The following NXPH1 variants were observed in gnomAD, a reference collection of about 807,000 sequenced individuals.
NXPH1 encodes the protein neurexophilin 1.
A neutral mutation model predicts 23.7 loss-of-function variants in NXPH1; 5 were observed. That is an observed-to-expected ratio of 0.21 (90% CI 0.11 to 0.44). NXPH1 has a LOEUF of 0.44. Ranked by LOEUF, NXPH1 falls within the 20% of genes least tolerant of loss-of-function variation. NXPH1 has a pLI of 0.99. For synonymous variants in NXPH1, 144 were observed against 122.2 expected (o/e 1.18, Z -1.18); for missense variants, 324 against 321.6 (o/e 1.01, Z -0.06).
At chr7:8,602,034 T>C (rs963472934) in intron 2 of NXPH1, among the ~76,000 whole-genome samples, 3 of 152,214 alleles carry the variant, frequency 2.0e-5, no homozygotes, top group Non-Finnish European at 4.4e-5. Flanking sequence ...ATAATTAGTA[T>C]GTTCAGTATT....
At position 8,680,053 on chromosome 7, in the gene NXPH1, T is replaced by A. The variant is rs182324662; in HGVS notation, c.55-70955T>A. Among the ~76,000 whole-genome samples, 3 of 152,368 alleles carry A rather than the reference T, an allele frequency of 2.0e-5. No individual in the cohort carries two copies. In the East Asian group the frequency reaches 5.8e-4, roughly 29 times the overall value. On this transcript the variant is annotated intron_variant, in intron 2 of 2. Coordinates refer to ENST00000405863, the MANE Select transcript of NXPH1 (RefSeq NM_152745.3). ...AAATCATCTGTTTGAAACCCTAGTA[T>A]GTTTTCAGACACGGAGTGGTATTTG...
At chr7:8,440,100 CG>C (rs1257225564) in intron 2 of NXPH1, among the ~76,000 whole-genome samples, 4 of 152,184 alleles carry the variant, frequency 2.6e-5, no homozygotes, top group African/African-American at 9.7e-5. Context: ...TAGATACATA[CG>C]GGATTCAGAC....
intron 2 of NXPH1, among the ~76,000 whole-genome samples, chr7:8,484,011 A>ATTTTTTTTTTTTT: frequency 6.7e-6 from 1 of 148,474 alleles, no homozygotes; most frequent in African/African-American, 2.6e-5. Flanking sequence ...GATGTCAGAA[A>ATTTTTTTTTTTTT]TGTTTTTTAT....
At position 8,632,381 on chromosome 7, in the gene NXPH1, T is replaced by C. The variant is rs74461646; in HGVS notation, c.55-118627T>C. Among the ~76,000 whole-genome samples the C allele has an allele frequency of 1.2e-3, 179 of 152,318 alleles. 5 individuals are homozygous for C. In the East Asian group the frequency reaches 0.03, roughly 26 times the overall value. On this transcript the variant is annotated intron_variant, in intron 2 of 2. Coordinates refer to ENST00000405863, the MANE Select transcript of NXPH1 (RefSeq NM_152745.3). ...ATATTGGCATTCTTGATTCCATTGC[T>C]TACCTGTTTACATTCAAGTAGATGT...
At chr7:8,617,673 G>T (rs149622523) in intron 2 of NXPH1, among the ~76,000 whole-genome samples, 484 of 152,196 alleles carry the variant, frequency 3.2e-3, no homozygotes, top group African/African-American at 0.011. Context: ...TGGGGAGATT[G>T]GGGGAACATA....
intron 2 of NXPH1, among the ~76,000 whole-genome samples, chr7:8,635,043 A>G (rs1820197193): frequency 1.3e-5 from 2 of 152,314 alleles, no homozygotes; most frequent in East Asian, 3.9e-4. Context: ...TTTGAACAAT[A>G]GCTATCTCTA....
chr7:8,544,249 T>G (rs1284590760), intron 2 of NXPH1, among the ~76,000 whole-genome samples: 1 of 151,620 alleles, frequency 6.6e-6, no homozygotes, highest in Non-Finnish European at 1.5e-5. Context: ...TAACTTAGAT[T>G]CAATACTTCT....
chr7:8,654,902 T>A (rs1043144383), intron 2 of NXPH1, among the ~76,000 whole-genome samples: 3 of 152,120 alleles, frequency 2.0e-5, no homozygotes, highest in African/African-American at 7.2e-5. Flanking sequence ...TAAAGAGAGA[T>A]AGGTGTGTCT....
At chr7:8,655,872 T>C (rs558608095) in intron 2 of NXPH1, among the ~76,000 whole-genome samples, 1 of 152,324 alleles carries the variant, frequency 6.6e-6, no homozygotes, top group South Asian at 2.1e-4. Context: ...AATCTTTCCT[T>C]GATCTCTAGC....
At chr7:8,535,543 A>T (rs996391815) in intron 2 of NXPH1, among the ~76,000 whole-genome samples, 1 of 151,942 alleles carries the variant, frequency 6.6e-6, no homozygotes, top group Admixed American at 6.6e-5. Context: ...CTGGAAAAAA[A>T]AATCCAGACA....
intron 2 of NXPH1, among the ~76,000 whole-genome samples, chr7:8,643,720 T>C (rs1217499589): frequency 1.3e-5 from 2 of 152,196 alleles, no homozygotes; most frequent in Non-Finnish European, 2.9e-5. Context: ...CTTTTTACTT[T>C]TAGGTTCTTT....
intron 2 of NXPH1, among the ~76,000 whole-genome samples, chr7:8,535,469 T>G (rs886429697): frequency 6.6e-6 from 1 of 151,958 alleles, no homozygotes; most frequent in Non-Finnish European, 1.5e-5. Context: ...CACGTGAGAC[T>G]GATAATGGAT....
At chr7:8,502,945 A>G (rs1326503056) in intron 2 of NXPH1, among the ~76,000 whole-genome samples, 2 of 152,140 alleles carry the variant, frequency 1.3e-5, no homozygotes, top group South Asian at 2.1e-4. Flanking sequence ...AGGTAGTACT[A>G]GAGAACCCAT....
chr7:8,535,516 G>T (rs542246359), intron 2 of NXPH1, among the ~76,000 whole-genome samples: 1 of 151,548 alleles, frequency 6.6e-6, no homozygotes, highest in Non-Finnish European at 1.5e-5. Context: ...GGATTAATTG[G>T]GATATGGAAT....
chr7:8,460,058 G>T (rs964455333), intron 2 of NXPH1, among the ~76,000 whole-genome samples: 1 of 152,136 alleles, frequency 6.6e-6, no homozygotes, highest in Non-Finnish European at 1.5e-5. Context: ...GTTTTGTTCA[G>T]ATGAGTAAAT....
At position 8,435,579 on chromosome 7, in the gene NXPH1, G is replaced by T; in HGVS notation, c.-110-25G>T. The stretch of plus-strand genomic sequence containing the variant: ...CCTAACCTTGCCCGCGTAGTCATGG[G>T]ATGTCTAATTTTATTTGCATCTAGG... On this transcript the variant is annotated intron_variant, in intron 1 of 2. Coordinates refer to ENST00000405863, the MANE Select transcript of NXPH1 (RefSeq NM_152745.3). The surrounding 1 kb of genome is among the most constrained non-coding windows in gnomAD (Gnocchi z 5.9). The T allele has an allele frequency of 1.3e-6, 1 of 787,492 alleles. No homozygotes were observed. The highest frequency in any genetic ancestry group is 2.2e-6 in the Non-Finnish European group (1 of 446,016). 48.8% of individuals were successfully genotyped at this position (787,492 alleles called of 1,614,324 possible).
chr7:8,471,593 T>C (rs1181556570), intron 2 of NXPH1, among the ~76,000 whole-genome samples: 1 of 152,152 alleles, frequency 6.6e-6, no homozygotes, highest in Non-Finnish European at 1.5e-5. Flanking sequence ...TGACTTGGCA[T>C]GGAACAGTAG....
intron 2 of NXPH1, among the ~76,000 whole-genome samples, chr7:8,443,315 C>G (rs1816337478): frequency 6.6e-6 from 1 of 152,232 alleles, no homozygotes; most frequent in Admixed American, 6.5e-5. Context: ...CCTACCCAGT[C>G]TCCCATTCTT....
intron 2 of NXPH1, among the ~76,000 whole-genome samples, chr7:8,695,155 T>C (rs1400097474): frequency 1.3e-5 from 2 of 152,236 alleles, no homozygotes; most frequent in East Asian, 3.8e-4. Flanking sequence ...AGGGTACTTT[T>C]AATTTTTATA....
Sources: allele counts gnomAD v4.1 joint callset (sites outside exome capture counted in the v4.1 genomes callset), GRCh38; gene constraint gnomAD v4.1.1; non-coding constraint Gnocchi (gnomAD v3.1); transcripts MANE v1.5; gene names NCBI Gene and HGNC (gene_info 2026-07-23, HGNC 2026-07-21).